ATXN7: variants seen among roughly 807,000 people sequenced by gnomAD.
The protein encoded by ATXN7 is ataxin 7, also known as ataxin-7.
In ATXN7, 12 loss-of-function variants were observed where a neutral mutation model predicts 70.5. The ratio of observed to expected loss-of-function variants is 0.17; its 90% CI spans 0.11 to 0.28. The LOEUF is 0.28. Ranked by LOEUF, ATXN7 falls within the 10% of genes least tolerant of loss-of-function variation. ATXN7 has a pLI of 1.00. For synonymous variants in ATXN7, 498 were observed against 448.7 expected (o/e 1.11, Z -1.39); for missense variants, 1,256 against 1,131.7 (o/e 1.11, Z -1.58).
intron 4 of ATXN7, among the ~76,000 whole-genome samples, chr3:63,937,792 C>T (rs1381387730): frequency 6.6e-6 from 1 of 152,126 alleles, no homozygotes; most frequent in African/African-American, 2.4e-5. Flanking sequence ...ACTAGCCCCA[C>T]CTCTTGTCAG....
At chr3:63,913,724 A>G (rs1575885965) in intron 4 of ATXN7, among the ~76,000 whole-genome samples, 1 of 152,130 alleles carries the variant, frequency 6.6e-6, no homozygotes, top group South Asian at 2.1e-4. Flanking sequence ...TTTTGGTCAG[A>G]TTTTTTGCGA....
At chr3:63,870,196 C>A (rs1244769493) in intron 1 of ATXN7, among the ~76,000 whole-genome samples, 3 of 152,190 alleles carry the variant, frequency 2.0e-5, no homozygotes, top group Non-Finnish European at 4.4e-5. Flanking sequence ...TGAACACTGA[C>A]ATTTGAATTT....
intron 1 of ATXN7, among the ~76,000 whole-genome samples, chr3:63,882,452 T>A (rs545937227): frequency 9.6e-4 from 146 of 151,452 alleles, no homozygotes; most frequent in Middle Eastern, 6.8e-3. Flanking sequence ...TGGCACAATC[T>A]TGGCTCACTG....
chr3:63,863,951 G>GA lies in ATXN7; in HGVS notation c.-318_-317insA. ...TCCGACGCCTGAGCCGCGCCGCGCC[G>GA]CGCCGCCGCCGCCGCCGCCGCCGCC... On this transcript the variant is annotated 5_prime_UTR_variant, in exon 1 of 13. It introduces an in-frame stop codon into an upstream open reading frame of the 5' UTR. Coordinates refer to ENST00000674280, the MANE Select transcript of ATXN7 (RefSeq NM_001377405.1). The GA allele has an allele frequency of 1.2e-5, 1 of 81,238 alleles. No homozygotes were observed. The highest frequency in any genetic ancestry group is 2.7e-5 in the Non-Finnish European group (1 of 36,600). The allele number at this position is 81,238 out of a possible 1,614,324, so 5.0% of individuals were successfully genotyped here. A position where few individuals can be genotyped will look rare whatever the true frequency, so the allele number is the denominator to read the frequency against.
intron 1 of ATXN7, among the ~76,000 whole-genome samples, chr3:63,885,511 A>G (rs1413469549): frequency 6.6e-6 from 1 of 152,204 alleles, no homozygotes; most frequent in African/African-American, 2.4e-5. Flanking sequence ...ATTATAGTAC[A>G]GCCATTAAGA....
At chr3:63,910,090 G>T (rs369912218) in intron 2 of ATXN7, among the ~76,000 whole-genome samples, 3 of 151,954 alleles carry the variant, frequency 2.0e-5, no homozygotes, top group African/African-American at 7.2e-5. Flanking sequence ...CAAAAACTTT[G>T]AAGAAAAAAA....
chr3:63,946,894 G>T (rs968377907), intron 4 of ATXN7, among the ~76,000 whole-genome samples: 1 of 152,082 alleles, frequency 6.6e-6, no homozygotes, highest in East Asian at 1.9e-4. Flanking sequence ...AGGAGGCTAC[G>T]TAAGAGGAAC....
chr3:63,915,980 C>T lies in ATXN7; in HGVS notation c.394+2755C>T, dbSNP rs185844290. On this transcript the variant is annotated intron_variant, in intron 4 of 12. Transcript: ENST00000674280. ...GGGATTACAGGCATGAACCACCACC[C>T]CCGCCAGAAACTCCTCATCTTGAAA... 1.0e-3 allele frequency among the ~76,000 whole-genome samples: 152 copies of T among 152,278 alleles called. 1 individual carries two copies. The highest frequency in any genetic ancestry group is 1.2e-3 in the Non-Finnish European group (82 of 68,018).
intron 1 of ATXN7, among the ~76,000 whole-genome samples, chr3:63,895,023 G>A (rs903014308): frequency 2.0e-5 from 3 of 152,060 alleles, no homozygotes; most frequent in Admixed American, 6.5e-5. Context: ...TGCTTTCCTT[G>A]TAGGACTAAT....
chr3:63,980,512 G>A, intron 6 of ATXN7: 1 of 229,136 alleles, frequency 4.4e-6, no homozygotes, highest in African/African-American at 2.2e-5. Context: ...GAAGCTTCGT[G>A]AGGTGGGGGA....
chr3:63,912,954 C>T (rs531605953), intron 3 of ATXN7, 31 bp downstream of exon 3: 3 of 1,388,172 alleles, frequency 2.2e-6, no homozygotes, highest in South Asian at 1.1e-5. Context: ...CCCCCCTTCA[C>T]CCCCTCGCGA....
intron 5 of ATXN7, among the ~76,000 whole-genome samples, chr3:63,978,715 T>G (rs1052716509): frequency 1.3e-5 from 2 of 152,240 alleles, no homozygotes; most frequent in Non-Finnish European, 2.9e-5. Flanking sequence ...GAATTTTGTC[T>G]GTAGATAGCT....
intron 4 of ATXN7, among the ~76,000 whole-genome samples, chr3:63,949,701 G>A (rs2074923135): frequency 6.6e-6 from 1 of 152,040 alleles, no homozygotes; most frequent in African/African-American, 2.4e-5. Context: ...CCTGGCCCAG[G>A]GAGCTCAGTT....
rs34205947 is a variant in ATXN7 at position 63,865,894 on chromosome 3, CAAAAAAAAAA to C, written c.-111+1758_-111+1767del. ...TGGGCGACAGAGCGAGACTCCATCT[CAAAAAAAAAA>C]AAAAAAAAAAAAAAAAAAAAAGAAA... is the stretch of plus-strand genomic sequence containing the variant. On this transcript the variant is annotated intron_variant, in intron 1 of 12. Transcript: ENST00000674280. Among the ~76,000 whole-genome samples the C allele has an allele frequency of 1.5e-3, 25 of 16,558 alleles. 1 individual carries two copies. Among genetic ancestry groups the C allele is most frequent in the East Asian group, 2.2e-3 (1 of 450 alleles). The allele number at this position is 16,558 out of a possible 152,430, so 10.9% of individuals were successfully genotyped here.
chr3:63,872,271 A>G (rs768988629), intron 1 of ATXN7, among the ~76,000 whole-genome samples: 10 of 152,244 alleles, frequency 6.6e-5, no homozygotes, highest in Non-Finnish European at 1.2e-4. Context: ...TCAGTTATCT[A>G]TTGTTAACAA....
At chr3:63,993,827 T>A (rs550574345) in intron 11 of ATXN7, among the ~76,000 whole-genome samples, 1 of 152,256 alleles carries the variant, frequency 6.6e-6, no homozygotes, top group South Asian at 2.1e-4. Flanking sequence ...CTGCTCCCAG[T>A]GAGCAGTAGG....
chr3:63,962,048 T>A (rs2075141288), intron 5 of ATXN7, among the ~76,000 whole-genome samples: 1 of 152,184 alleles, frequency 6.6e-6, no homozygotes, highest in Non-Finnish European at 1.5e-5. Context: ...TGGTACCTAC[T>A]ACCTGACTGG....
intron 1 of ATXN7, among the ~76,000 whole-genome samples, chr3:63,872,264 G>T (rs1702619568): frequency 6.6e-6 from 1 of 152,202 alleles, no homozygotes; most frequent in Non-Finnish European, 1.5e-5. Flanking sequence ...ATGTCTGTCA[G>T]TTATCTATTG....
intron 5 of ATXN7, among the ~76,000 whole-genome samples, chr3:63,979,651 G>C (rs1268278641): frequency 6.6e-6 from 1 of 152,058 alleles, no homozygotes; most frequent in African/African-American, 2.4e-5. Flanking sequence ...TCATGTTTAC[G>C]ATGGTTGTCT....
Sources: allele counts gnomAD v4.1 joint callset (sites outside exome capture counted in the v4.1 genomes callset), GRCh38; gene constraint gnomAD v4.1.1; transcripts MANE v1.5; gene names NCBI Gene and HGNC (gene_info 2026-07-23, HGNC 2026-07-21).